The following SERINC5 variants were observed in gnomAD, a reference collection of about 807,000 sequenced individuals.
SERINC5 encodes chromosome 5 open reading frame 12.
Under a neutral mutation model 63.1 loss-of-function variants are expected in SERINC5, and 41 were observed. The ratio of observed to expected loss-of-function variants is 0.65; its 90% CI spans 0.51 to 0.84. SERINC5 has a LOEUF of 0.84. Ranked by LOEUF, SERINC5 falls within the 40% of genes least tolerant of loss-of-function variation. The pLI, the probability that SERINC5 is intolerant of heterozygous loss-of-function variation, is 0.00. For missense variants in SERINC5, 523 were observed against 573.0 expected (o/e 0.91, Z 0.89); for synonymous variants, 222 against 215.2 (o/e 1.03, Z -0.28).
At chr5:80,249,521 G>A (rs1032723390) in intron 1 of SERINC5, among the ~76,000 whole-genome samples, 1 of 151,888 alleles carries the variant, frequency 6.6e-6, no homozygotes, top group Non-Finnish European at 1.5e-5. Flanking sequence ...TATAAATATC[G>A]GCCGGGCACA....
intron 7 of SERINC5, among the ~76,000 whole-genome samples, chr5:80,161,772 T>C (rs552133020): frequency 9.3e-4 from 141 of 152,352 alleles, no homozygotes; most frequent in African/African-American, 3.2e-3. Context: ...TCATGAATTA[T>C]TTCCCTTGAG....
downstream of SERINC5, among the ~76,000 whole-genome samples, chr5:80,135,643 G>A (rs1290636555): frequency 6.6e-6 from 1 of 152,060 alleles, no homozygotes; most frequent in Non-Finnish European, 1.5e-5. Flanking sequence ...AAGTAAGGAC[G>A]ATGGACGTGG....
chr5:80,131,290 C>A (rs1744939937), intron 11 of SERINC5, among the ~76,000 whole-genome samples: 1 of 152,206 alleles, frequency 6.6e-6, no homozygotes, highest in Non-Finnish European at 1.5e-5. Context: ...CTCTTGCCTG[C>A]CACCATGTAA....
chr5:80,113,662 C>A, intron 11 of SERINC5: 1 of 247,704 alleles, frequency 4.0e-6, no homozygotes. Flanking sequence ...GAGGGAGAAG[C>A]AAAAGCAGAA....
intron 1 of SERINC5, among the ~76,000 whole-genome samples, chr5:80,218,599 A>AG (rs1750770627): frequency 6.6e-6 from 1 of 150,778 alleles, no homozygotes; most frequent in South Asian, 2.1e-4. Context: ...CACTTGAACC[A>AG]GGGAGTCGGA....
intron 9 of SERINC5, among the ~76,000 whole-genome samples, chr5:80,148,480 G>C (rs1425978834): frequency 2.0e-5 from 3 of 151,930 alleles, no homozygotes; most frequent in Non-Finnish European, 4.4e-5. Context: ...GTGAGCCACT[G>C]CACCCGGCCA....
chr5:80,173,232 AGG>A (rs1436321567), intron 5 of SERINC5, among the ~76,000 whole-genome samples: 6 of 73,810 alleles, frequency 8.1e-5, no homozygotes, highest in South Asian at 3.3e-4. Context: ...GAAAGAAGGA[AGG>A]AAGGAAGGAA....
At chr5:80,234,933 T>G (rs1751617230) in intron 1 of SERINC5, among the ~76,000 whole-genome samples, 1 of 152,210 alleles carries the variant, frequency 6.6e-6, no homozygotes, top group African/African-American at 2.4e-5. Context: ...TTTACTATGC[T>G]GAAACACACA....
chr5:80,150,167 C>T (rs569378025), intron 9 of SERINC5, among the ~76,000 whole-genome samples: 3 of 152,252 alleles, frequency 2.0e-5, no homozygotes, highest in South Asian at 4.1e-4. Flanking sequence ...ACAGCTATTA[C>T]ATAATCTCAC....
chr5:80,162,149 T>C (rs921743356), intron 7 of SERINC5, among the ~76,000 whole-genome samples: 1 of 152,180 alleles, frequency 6.6e-6, no homozygotes, highest in Non-Finnish European at 1.5e-5. Context: ...AGCTTTGAAG[T>C]GTGATTCCTC....
chr5:80,155,296 G>A (rs1281908461), intron 8 of SERINC5, among the ~76,000 whole-genome samples: 2 of 152,222 alleles, frequency 1.3e-5, no homozygotes, highest in African/African-American at 2.4e-5. Context: ...TGGCCATGGC[G>A]GCTCACGCCT....
intron 6 of SERINC5, 64 bp downstream of exon 6, chr5:80,169,271 T>C (rs1009162133): frequency 6.5e-6 from 9 of 1,378,932 alleles, no homozygotes; most frequent in African/African-American, 5.8e-5. Context: ...AAAAAAGCCA[T>C]TGGGTTTGCT....
intron 1 of SERINC5, among the ~76,000 whole-genome samples, 195 bp downstream of exon 1, chr5:80,255,701 C>T (rs1752638983): frequency 6.6e-6 from 1 of 152,164 alleles, no homozygotes; most frequent in African/African-American, 2.4e-5. Context: ...TCGGGCTTCC[C>T]CCTGCCCCTT....
chr5:80,144,845 G>A (rs923695564), intron 11 of SERINC5, among the ~76,000 whole-genome samples: 1 of 152,178 alleles, frequency 6.6e-6, no homozygotes, highest in South Asian at 2.1e-4. Context: ...TCTGTTGAAT[G>A]AATGATAAAA....
At position 80,222,161 on chromosome 5, in the gene SERINC5, A is replaced by AATC. The variant is rs202082094; in HGVS notation, c.28-19109_28-19108insGAT. ...AGACTTTGTCTCAAATAATAATAAT[A>AATC]ATAGCTTTAATAAAAATGGTCCCAA... On this transcript the variant is annotated intron_variant, in intron 1 of 11. Transcript: ENST00000507668. Among the ~76,000 whole-genome samples, 18 of 152,014 alleles carry AATC rather than the reference A, an allele frequency of 1.2e-4. No individual in the cohort carries two copies. In the East Asian group the frequency reaches 3.5e-3, roughly 29 times the overall value.
chr5:80,118,349 T>C (rs1265096153), intron 11 of SERINC5, among the ~76,000 whole-genome samples: 1 of 152,240 alleles, frequency 6.6e-6, no homozygotes, highest in African/African-American at 2.4e-5. Context: ...TATCTTAGAC[T>C]GTTCAGGCAA....
intron 2 of SERINC5, among the ~76,000 whole-genome samples, chr5:80,186,560 A>T (rs1748823319): frequency 6.6e-6 from 1 of 152,188 alleles, no homozygotes; most frequent in Non-Finnish European, 1.5e-5. Flanking sequence ...TGAACTCACA[A>T]ATTAGGAAAA....
chr5:80,209,823 G>A (rs761736121), intron 1 of SERINC5, among the ~76,000 whole-genome samples: 5 of 152,048 alleles, frequency 3.3e-5, no homozygotes, highest in South Asian at 2.1e-4. Context: ...CTGGGTAGGC[G>A]GATCATTTGA....
At chr5:80,225,039 C>T (rs1283917072) in intron 1 of SERINC5, among the ~76,000 whole-genome samples, 1 of 149,752 alleles carries the variant, frequency 6.7e-6, no homozygotes, top group Non-Finnish European at 1.5e-5. Context: ...CTCCCAGGTT[C>T]AAGCAATTCT....
Sources: gnomAD v4.1 joint callset for allele counts (sites outside exome capture counted in the v4.1 genomes callset) on GRCh38, gnomAD v4.1.1 for gene constraint, MANE v1.5 for transcripts, NCBI Gene and HGNC (gene_info 2026-07-23, HGNC 2026-07-21) for gene names.